RASEF: variants seen among roughly 807,000 people sequenced by gnomAD.
The protein encoded by RASEF is ras and EF-hand domain-containing protein.
Under a neutral mutation model 90.1 loss-of-function variants are expected in RASEF, and 68 were observed. The ratio of observed to expected loss-of-function variants is 0.75; its 90% CI spans 0.62 to 0.92. RASEF has a LOEUF of 0.92. RASEF is among the 40% of genes least tolerant of loss of function. The probability of loss-of-function intolerance (pLI) is 0.00; values close to 1 mark genes in which losing one functional copy is unlikely to be tolerated. For missense variants in RASEF, 949 were observed against 937.2 expected (o/e 1.01, Z -0.16); for synonymous variants, 331 against 345.2 (o/e 0.96, Z 0.46).
the RASEF span, among the ~76,000 whole-genome samples, chr9:83,163,624 A>G: frequency 6.6e-6 from 1 of 152,184 alleles, no homozygotes; most frequent in Non-Finnish European, 1.5e-5. Context: ...AAACTGCTGA[A>G]GGGAAAATCT....
chr9:83,147,782 T>C, the RASEF span, among the ~76,000 whole-genome samples: 4 of 152,034 alleles, frequency 2.6e-5, no homozygotes, highest in African/African-American at 9.7e-5. Context: ...GGAGGTTTTA[T>C]TGAGTGGTGG....
chr9:83,006,383 T>C (rs983758531), intron 7 of RASEF, among the ~76,000 whole-genome samples: 6 of 152,230 alleles, frequency 3.9e-5, no homozygotes, highest in African/African-American at 1.4e-4. Flanking sequence ...CTGGCATACC[T>C]GGCCTGTAAG....
chr9:83,082,681 A>G, the RASEF span, among the ~76,000 whole-genome samples: 1 of 152,200 alleles, frequency 6.6e-6, no homozygotes, highest in East Asian at 1.9e-4. Flanking sequence ...ACAGACAACA[A>G]GTTAGGCCTA....
At chr9:83,090,759 T>C in the RASEF span, among the ~76,000 whole-genome samples, 5 of 152,066 alleles carry the variant, frequency 3.3e-5, no homozygotes, top group Admixed American at 3.3e-4. Flanking sequence ...CATTTAAAAG[T>C]ATATAATATG....
At chr9:83,107,324 A>G in the RASEF span, among the ~76,000 whole-genome samples, 17 of 152,232 alleles carry the variant, frequency 1.1e-4, no homozygotes, top group African/African-American at 4.1e-4. Context: ...ATACACTACT[A>G]TCATCTATTT....
chr9:83,158,721 T>G, the RASEF span, among the ~76,000 whole-genome samples: 1 of 142,070 alleles, frequency 7.0e-6, no homozygotes, highest in Non-Finnish European at 1.5e-5. Context: ...TATACATATA[T>G]GTATATATTT....
intron 1 of RASEF, among the ~76,000 whole-genome samples, chr9:83,046,560 A>G (rs1829934226): frequency 6.6e-6 from 1 of 152,202 alleles, no homozygotes; most frequent in Non-Finnish European, 1.5e-5. Context: ...AGGAAAAGAA[A>G]AAGTATTTTG....
At chr9:83,124,810 G>C in the RASEF span, among the ~76,000 whole-genome samples, 1 of 152,146 alleles carries the variant, frequency 6.6e-6, no homozygotes, top group Non-Finnish European at 1.5e-5. Flanking sequence ...AGATCTAACA[G>C]TCTCAGACAA....
intron 1 of RASEF, among the ~76,000 whole-genome samples, chr9:83,031,086 G>A (rs1229605008): frequency 6.6e-6 from 1 of 152,124 alleles, no homozygotes; most frequent in South Asian, 2.1e-4. Context: ...TGTCAGATAC[G>A]TAAGAAAAAA....
the RASEF span, among the ~76,000 whole-genome samples, chr9:83,141,422 T>G: frequency 2.4e-4 from 37 of 152,092 alleles, no homozygotes; most frequent in Non-Finnish European, 4.6e-4. Flanking sequence ...GAAAAAAGAA[T>G]AAAAAATTAA....
At chr9:83,004,685 C>A (rs1243548690) in intron 8 of RASEF, 99 bp from the exon 9 acceptor site, 4 of 707,600 alleles carry the variant, frequency 5.7e-6, no homozygotes, top group Non-Finnish European at 9.8e-6. Context: ...AAAACTGTAG[C>A]ACACTACTCA....
At chr9:83,192,071 T>C in the RASEF span, among the ~76,000 whole-genome samples, 1 of 152,060 alleles carries the variant, frequency 6.6e-6, no homozygotes, top group African/African-American at 2.4e-5. Flanking sequence ...GCTGGCGAGA[T>C]TGTGGAGAAA....
intron 1 of RASEF, among the ~76,000 whole-genome samples, chr9:83,031,062 T>C (rs1002291427): frequency 1.3e-5 from 2 of 152,234 alleles, no homozygotes; most frequent in African/African-American, 4.8e-5. Context: ...GAGAGCTACC[T>C]GACCACCTTG....
At chr9:83,093,672 C>A in the RASEF span, among the ~76,000 whole-genome samples, 1 of 152,196 alleles carries the variant, frequency 6.6e-6, no homozygotes, top group African/African-American at 2.4e-5. Flanking sequence ...AGCCCCGGTT[C>A]CCGCTCGCGC....
chr9:83,012,459 T>A lies in RASEF; in HGVS notation c.818A>T (p.Lys273Ile), dbSNP rs760106532. ...VSQKEDVAAL[K>I]KQIYDLSMEN... ...CATTGATAAATCATAAATTTGTTTT[T>A]TCAATGCAGCCACATCTTCCTTTTG... The change falls in exon 5 of 17, where the codon AAA becomes ATA. Residue 273 changes from lysine (K) to isoleucine (I), a missense_variant. Around this residue, in one of 3 missense-constraint regions of RASEF, gnomAD observed 656 missense variants for 592.2 expected, o/e 1.11. Transcript: ENST00000376447. The A allele has an allele frequency of 1.9e-6, 3 of 1,586,354 alleles. No individual in the cohort carries two copies. The highest frequency in any genetic ancestry group is 4.6e-5 in the East Asian group (2 of 43,350).
At chr9:83,213,396 T>C in the RASEF span, among the ~76,000 whole-genome samples, 2 of 140,482 alleles carry the variant, frequency 1.4e-5, no homozygotes, top group African/African-American at 2.8e-5. Context: ...CGAGACTTCA[T>C]CTGAAAAAAA....
At chr9:82,983,727 T>G (rs1195511205) in intron 16 of RASEF, among the ~76,000 whole-genome samples, 1 of 152,160 alleles carries the variant, frequency 6.6e-6, no homozygotes, top group East Asian at 1.9e-4. Context: ...AACCCAAGTG[T>G]TTATAATGCG....
chr9:83,128,604 C>T, the RASEF span, among the ~76,000 whole-genome samples: 4 of 152,156 alleles, frequency 2.6e-5, no homozygotes, highest in Non-Finnish European at 5.9e-5. Context: ...GTCCCCTCTC[C>T]ACTGAGAACT....
the RASEF span, among the ~76,000 whole-genome samples, chr9:83,198,886 A>G: frequency 6.6e-6 from 1 of 152,214 alleles, no homozygotes; most frequent in African/African-American, 2.4e-5. Flanking sequence ...AACATTTACT[A>G]TAGAAAGAAA....
Sources: gnomAD v4.1 joint callset for allele counts (sites outside exome capture counted in the v4.1 genomes callset) on GRCh38, gnomAD v4.1.1 for gene constraint, gnomAD v4.1.1 regional missense constraint, MANE v1.5 for transcripts, NCBI Gene and HGNC (gene_info 2026-07-23, HGNC 2026-07-21) for gene names.